DGKB: variants seen among roughly 807,000 people sequenced by gnomAD.
DGKB encodes the protein 90 kDa diacylglycerol kinase.
A neutral mutation model predicts 114.3 loss-of-function variants in DGKB; 67 were observed. That is an observed-to-expected ratio of 0.59 (90% CI 0.48 to 0.72). DGKB has a LOEUF of 0.72. Among genes scored for constraint, DGKB ranks in the 30% least tolerant of loss-of-function variants. DGKB has a pLI of 0.00. For synonymous variants in DGKB, 398 were observed against 323.1 expected (o/e 1.23, Z -2.49); for missense variants, 907 against 975.2 (o/e 0.93, Z 0.93).
At chr7:14,862,610 A>G (rs186937632) in intron 1 of DGKB, among the ~76,000 whole-genome samples, 2 of 152,220 alleles carry the variant, frequency 1.3e-5, no homozygotes, top group African/African-American at 4.8e-5. Flanking sequence ...TTGGAGTTCA[A>G]TAAAGGAGCC....
At chr7:14,899,726 C>CAGGTGGATTCCAGTTT (rs1490938394) in intron 1 of DGKB, among the ~76,000 whole-genome samples, 1 of 152,072 alleles carries the variant, frequency 6.6e-6, no homozygotes. Flanking sequence ...GGGGTCAATG[C>CAGGTGGATTCCAGTTT]AGGTGGATTC....
At chr7:14,534,222 A>G (rs1007004989) in intron 20 of DGKB, among the ~76,000 whole-genome samples, 2 of 152,118 alleles carry the variant, frequency 1.3e-5, no homozygotes, top group Middle Eastern at 3.2e-3. Context: ...AAAAGTTGTT[A>G]TCAGCTAAAA....
intron 4 of DGKB, among the ~76,000 whole-genome samples, chr7:14,750,362 T>G (rs28530578): frequency 4.3e-4 from 65 of 152,322 alleles, no homozygotes; most frequent in African/African-American, 1.5e-3. Context: ...GTATAACAAT[T>G]AAAAGTAATG....
rs547121461 is a variant in DGKB, at chr7:14,643,617, T to C, written c.1135-13349A>G. ...ATGTAGCTCCCTGTACTCCAGAAAATAGGTGATCTAAACCCTTAGGAAGTC... is the reference window on the plus strand; with the variant it reads ...ATGTAGCTCCCTGTACTCCAGAAAACAGGTGATCTAAACCCTTAGGAAGTC... On this transcript the variant is annotated intron_variant, in intron 13 of 25. Coordinates refer to ENST00000402815, the MANE Select transcript of DGKB (RefSeq NM_001350709.2). 5.9e-5 allele frequency among the ~76,000 whole-genome samples: 9 copies of C among 152,048 alleles called. No homozygotes were observed. In the South Asian group the frequency reaches 1.9e-3, roughly 32 times the overall value.
chr7:14,972,879 T>C (rs1243425865), intron 1 of DGKB, among the ~76,000 whole-genome samples: 4 of 152,016 alleles, frequency 2.6e-5, no homozygotes, highest in Non-Finnish European at 2.9e-5. Flanking sequence ...CATGTGAATG[T>C]GTGTTTGCGT....
At chr7:14,414,722 G>T (rs1292775902) in intron 21 of DGKB, among the ~76,000 whole-genome samples, 1 of 152,076 alleles carries the variant, frequency 6.6e-6, no homozygotes, top group South Asian at 2.1e-4. Flanking sequence ...TAGGTCCTGT[G>T]TAAGTGAGAA....
At chr7:14,349,131 A>G (rs901088336) in intron 21 of DGKB, among the ~76,000 whole-genome samples, 2 of 152,060 alleles carry the variant, frequency 1.3e-5, no homozygotes, top group African/African-American at 4.8e-5. Context: ...ATTCATATAA[A>G]ATATAATTGA....
intron 25 of DGKB, among the ~76,000 whole-genome samples, chr7:14,156,545 CCT>C (rs1320433929): frequency 1.3e-5 from 2 of 151,938 alleles, no homozygotes; most frequent in African/African-American, 4.8e-5. Context: ...AAATATTATT[CCT>C]CTCTGGATTT....
At chr7:14,958,197 T>G (rs1587457918) in intron 1 of DGKB, among the ~76,000 whole-genome samples, 1 of 152,100 alleles carries the variant, frequency 6.6e-6, no homozygotes, top group African/African-American at 2.4e-5. Flanking sequence ...CTCACACATC[T>G]AACAGGTTAG....
Position 14,721,191 on chromosome 7 carries a change from A to G in DGKB, c.323-2506T>C, listed in dbSNP as rs540848014. On this transcript the variant is annotated intron_variant, in intron 5 of 25. Transcript: ENST00000402815. ...ACATTTATTTGAAAGAAAGCCAAATATATTATAGATCTTCACTTATTTAGA... is the reference window on the plus strand; with the variant it reads ...ACATTTATTTGAAAGAAAGCCAAATGTATTATAGATCTTCACTTATTTAGA... 3.3e-5 allele frequency among the ~76,000 whole-genome samples: 5 copies of G among 152,364 alleles called. No homozygotes were observed. The East Asian group carries it at 7.7e-4, about 23-fold the overall frequency.
intron 17 of DGKB, among the ~76,000 whole-genome samples, chr7:14,596,750 AT>A (rs1802647817): frequency 6.6e-6 from 1 of 152,042 alleles, no homozygotes; most frequent in Admixed American, 6.6e-5. Context: ...TAGATGCCCA[AT>A]TTTTCTGGTT....
In DGKB at chr7:14,146,466, A is replaced by G. The variant is rs1016849490; in HGVS notation, c.*2665T>C. On this transcript the variant is annotated 3_prime_UTR_variant, in exon 26 of 26. Transcript: ENST00000402815. ...AGGGCGACTCAATAGCTGAAAATTT[A>G]TCTGCACACATAGAAGAGAAGTTTC... The G allele has an allele frequency of 4.6e-5, 7 of 152,230 alleles. No individual in the cohort carries two copies. Among genetic ancestry groups the G allele is most frequent in the African/African-American group, 1.7e-4 (7 of 41,464 alleles). 9.4% of individuals were successfully genotyped at this position (152,230 alleles called of 1,614,324 possible). A position where few individuals can be genotyped will look rare whatever the true frequency, so the allele number is the denominator to read the frequency against.
chr7:14,355,409 T>C (rs1196272768), intron 21 of DGKB, among the ~76,000 whole-genome samples: 1 of 152,236 alleles, frequency 6.6e-6, no homozygotes, highest in African/African-American at 2.4e-5. Context: ...ATATTGGCTG[T>C]GGATGTGTCA....
chr7:14,751,463 T>C (rs558437671), intron 4 of DGKB, among the ~76,000 whole-genome samples: 5 of 152,338 alleles, frequency 3.3e-5, no homozygotes, highest in African/African-American at 4.8e-5. Context: ...ACAATTGGTA[T>C]AATTGTATTT....
chr7:14,865,800 G>A (rs533908941), intron 1 of DGKB, among the ~76,000 whole-genome samples: 6 of 152,282 alleles, frequency 3.9e-5, no homozygotes, highest in Admixed American at 6.5e-5. Context: ...GTAAAAAGAA[G>A]ACCATGAATA....
At chr7:14,520,923 A>G (rs1439905340) in intron 20 of DGKB, among the ~76,000 whole-genome samples, 1 of 152,086 alleles carries the variant, frequency 6.6e-6, no homozygotes, top group African/African-American at 2.4e-5. Context: ...TGACCACACT[A>G]TTATGTTCAT....
intron 13 of DGKB, among the ~76,000 whole-genome samples, chr7:14,647,257 C>G (rs1037706461): frequency 2.0e-5 from 3 of 151,710 alleles, no homozygotes; most frequent in African/African-American, 7.3e-5. Context: ...AAAATTGAAC[C>G]AAGAAGAAAT....
chr7:14,157,066 C>A (rs1293274642), intron 25 of DGKB, among the ~76,000 whole-genome samples: 2 of 152,130 alleles, frequency 1.3e-5, no homozygotes, highest in East Asian at 3.9e-4. Context: ...TGCTTCATCT[C>A]TTTAAGAGTT....
At chr7:14,200,377 C>A (rs1785668375) in intron 23 of DGKB, among the ~76,000 whole-genome samples, 1 of 151,990 alleles carries the variant, frequency 6.6e-6, no homozygotes, top group Admixed American at 6.6e-5. Context: ...AGTGAGACAA[C>A]TCCTCATTGT....
Sources: gnomAD v4.1 joint callset for allele counts (sites outside exome capture counted in the v4.1 genomes callset) on GRCh38, gnomAD v4.1.1 for gene constraint, MANE v1.5 for transcripts, NCBI Gene and HGNC (gene_info 2026-07-23, HGNC 2026-07-21) for gene names.